MAPRE2: variants seen among roughly 807,000 people sequenced by gnomAD.
MAPRE2 encodes the protein microtubule-associated protein RP/EB family member 2.
In MAPRE2, 13 loss-of-function variants were observed where a neutral mutation model predicts 43.2. The ratio of observed to expected loss-of-function variants is 0.30; its 90% CI spans 0.20 to 0.48. MAPRE2 has a LOEUF of 0.48. Ranked by LOEUF, MAPRE2 falls within the 20% of genes least tolerant of loss-of-function variation. MAPRE2 has a pLI of 0.99. For synonymous variants in MAPRE2, 135 were observed against 148.8 expected (o/e 0.91, Z 0.68); for missense variants, 161 against 400.2 (o/e 0.40, Z 5.10).
At chr18:35,124,836 A>G (rs972667490) in intron 4 of MAPRE2, among the ~76,000 whole-genome samples, 1 of 151,976 alleles carries the variant, frequency 6.6e-6, no homozygotes, top group Non-Finnish European at 1.5e-5. Context: ...CTGCTTGTCT[A>G]CTTGTTTTCT....
At chr18:35,122,824 G>A (rs1175986975) in intron 4 of MAPRE2, among the ~76,000 whole-genome samples, 1 of 152,264 alleles carries the variant, frequency 6.6e-6, no homozygotes, top group African/African-American at 2.4e-5. Context: ...TGATTCGTGA[G>A]CACAGATGCC....
intron 2 of MAPRE2, among the ~76,000 whole-genome samples, chr18:35,023,277 C>G (rs980063783): frequency 1.3e-5 from 2 of 151,930 alleles, no homozygotes; most frequent in African/African-American, 4.8e-5. Flanking sequence ...CTTTGGGAGG[C>G]CGAGGTGGGT....
intron 2 of MAPRE2, 49 bp downstream of exon 2, chr18:35,070,371 T>G: frequency 2.0e-6 from 3 of 1,498,122 alleles, no homozygotes; most frequent in Non-Finnish European, 2.7e-6. Context: ...CAGTCTGTCA[T>G]GTGGAATGTG....
chr18:35,042,558 A>G (rs1039214290), intron 1 of MAPRE2, among the ~76,000 whole-genome samples: 111 of 152,336 alleles, frequency 7.3e-4, no homozygotes, highest in African/African-American at 2.5e-3. Flanking sequence ...AAGGATAACA[A>G]TGTAATGGAG....
chr18:35,131,996 G>A (rs778181903), intron 5 of MAPRE2, 36 bp from the exon 6 acceptor site: 1 of 1,601,094 alleles, frequency 6.2e-7, no homozygotes, highest in South Asian at 1.1e-5. Context: ...ACTATATTTT[G>A]GGTGGTTTTT....
intron 4 of MAPRE2, among the ~76,000 whole-genome samples, chr18:35,104,531 T>C (rs1908818165): frequency 6.6e-6 from 1 of 151,354 alleles, no homozygotes; most frequent in Non-Finnish European, 1.5e-5. Flanking sequence ...TCATTGAAAA[T>C]AGAAAAAGAG....
chr18:35,010,215 C>T (rs1346506429), intron 2 of MAPRE2, among the ~76,000 whole-genome samples: 1 of 152,100 alleles, frequency 6.6e-6, no homozygotes, highest in Admixed American at 6.6e-5. Flanking sequence ...AGCAAGACCT[C>T]ATCTCTCTAC....
chr18:35,136,628 G>A (rs1485424543), intron 6 of MAPRE2, among the ~76,000 whole-genome samples: 1 of 152,228 alleles, frequency 6.6e-6, no homozygotes, highest in African/African-American at 2.4e-5. Context: ...AACTGCATGA[G>A]CAAAGCAGAG....
At position 35,118,390 on chromosome 18, in the gene MAPRE2, C is replaced by G. The variant is rs149188722; in HGVS notation, c.611-8558C>G. Reference sequence around the variant, plus strand: ...CTCCCCTTGGAATCAATAGCACATGCCATTGATCACAGAATGTCTTTTTGT... The same window carrying G: ...CTCCCCTTGGAATCAATAGCACATGGCATTGATCACAGAATGTCTTTTTGT... On this transcript the variant is annotated intron_variant, in intron 4 of 6. Coordinates refer to ENST00000300249, the MANE Select transcript of MAPRE2 (RefSeq NM_014268.4). Among the ~76,000 whole-genome samples the G allele has an allele frequency of 4.7e-4, 71 of 152,308 alleles. 1 individual carries two copies. In the East Asian group the frequency reaches 0.013, roughly 29 times the overall value.
intron 4 of MAPRE2, among the ~76,000 whole-genome samples, chr18:35,123,472 T>TC (rs776117130): frequency 1.3e-5 from 2 of 152,180 alleles, no homozygotes; most frequent in Non-Finnish European, 2.9e-5. Context: ...CAAGGCTGTG[T>TC]CCCTCAGGAG....
At chr18:35,048,382 T>C (rs1297333242) in intron 1 of MAPRE2, among the ~76,000 whole-genome samples, 1 of 152,028 alleles carries the variant, frequency 6.6e-6, no homozygotes, top group Admixed American at 6.6e-5. Flanking sequence ...CCAAACTATA[T>C]CATATATTTA....
chr18:34,990,159 T>C (rs1244922080), intron 1 of MAPRE2, among the ~76,000 whole-genome samples: 2 of 152,206 alleles, frequency 1.3e-5, no homozygotes, highest in Non-Finnish European at 2.9e-5. Context: ...GAAAGGTTGC[T>C]CTCCACCATG....
chr18:35,112,891 C>A (rs1168392907), intron 4 of MAPRE2, among the ~76,000 whole-genome samples: 1 of 152,158 alleles, frequency 6.6e-6, no homozygotes, highest in African/African-American at 2.4e-5. Context: ...AGTCCAAGAC[C>A]AAGGCACCAG....
rs115971115 is a variant in MAPRE2, at chr18:35,015,784, A to T, written c.-8+10231A>T. 7.9e-3 allele frequency among the ~76,000 whole-genome samples: 1,200 copies of T among 152,032 alleles called. 16 individuals carry two copies. Among genetic ancestry groups the T allele is most frequent in the African/African-American group, 0.027 (1,137 of 41,464 alleles). ...ACCCCAATAAATTGCAGAAACACTAACTAAAATCAAATGCTACTTTTTACA... is the reference window on the plus strand; with the variant it reads ...ACCCCAATAAATTGCAGAAACACTATCTAAAATCAAATGCTACTTTTTACA... On this transcript the variant is annotated intron_variant, in intron 2 of 7. Transcript: ENST00000413393.
At chr18:35,124,733 A>C (rs985341280) in intron 4 of MAPRE2, among the ~76,000 whole-genome samples, 3 of 152,202 alleles carry the variant, frequency 2.0e-5, no homozygotes, top group Non-Finnish European at 4.4e-5. Flanking sequence ...AAAGAACTTG[A>C]TATTTCCGAG....
At chr18:35,081,310 T>C (rs778329244) in intron 2 of MAPRE2, among the ~76,000 whole-genome samples, 4 of 152,236 alleles carry the variant, frequency 2.6e-5, no homozygotes, top group Non-Finnish European at 5.9e-5. Context: ...GGGATCCTTC[T>C]GATACTAGAG....
chr18:35,041,672 T>A lies in MAPRE2; in HGVS notation c.122+11T>A, dbSNP rs1172545517. 7.4e-6 allele frequency: 12 copies of A among 1,614,032 alleles called. No individual in the cohort carries two copies. Among genetic ancestry groups the A allele is most frequent in the Non-Finnish European group, 8.5e-6 (10 of 1,179,994 alleles). On this transcript the variant is annotated intron_variant, in intron 1 of 6. Transcript: ENST00000300249. ...GGAGCGTTCCTACAGGTAATGGGGC[T>A]GGCACGAGAGCAGCGCCGGGGACCG...
At chr18:34,985,341 A>AT (rs2097019550) in intron 1 of MAPRE2, among the ~76,000 whole-genome samples, 1 of 46,888 alleles carries the variant, frequency 2.1e-5, no homozygotes, top group South Asian at 6.3e-4. Context: ...AATATATAAT[A>AT]TATTATATTA....
At chr18:35,007,375 A>G (rs1268782336) in intron 2 of MAPRE2, among the ~76,000 whole-genome samples, 3 of 152,218 alleles carry the variant, frequency 2.0e-5, no homozygotes, top group Non-Finnish European at 4.4e-5. Flanking sequence ...GTGGCCCACT[A>G]TCTAAATAGG....
Sources: gnomAD v4.1 joint callset for allele counts (sites outside exome capture counted in the v4.1 genomes callset) on GRCh38, gnomAD v4.1.1 for gene constraint, MANE v1.5 for transcripts, NCBI Gene and HGNC (gene_info 2026-07-23, HGNC 2026-07-21) for gene names.